The following CPNE8 variants were observed in gnomAD, a reference collection of about 807,000 sequenced individuals.
The protein encoded by CPNE8 is copine-8.
CPNE8 carries 45 observed loss-of-function variants against 81.5 expected under a neutral mutation model. The ratio of observed to expected loss-of-function variants is 0.55; its 90% confidence interval spans 0.44 to 0.71. The LOEUF is 0.71. Among genes scored for constraint, CPNE8 ranks in the 30% least tolerant of loss-of-function variants. The probability of loss-of-function intolerance (pLI) is 0.00; values close to 1 mark genes in which losing one functional copy is unlikely to be tolerated. For synonymous variants in CPNE8, 252 were observed against 226.3 expected (o/e 1.11, Z -1.02); for missense variants, 594 against 672.1 (o/e 0.88, Z 1.28).
intron 8 of CPNE8, among the ~76,000 whole-genome samples, chr12:38,766,874 A>G (rs751075260): frequency 6.6e-6 from 1 of 152,160 alleles, no homozygotes; most frequent in Non-Finnish European, 1.5e-5. Context: ...AACTAATTTA[A>G]TCTGATCAAC....
intron 6 of CPNE8, among the ~76,000 whole-genome samples, chr12:38,793,018 T>C (rs913974294): frequency 6.6e-6 from 1 of 151,812 alleles, no homozygotes; most frequent in Non-Finnish European, 1.5e-5. Context: ...GAAAAAGCAT[T>C]TGACAAAATT....
chr12:38,807,064 C>A (rs71463307), intron 6 of CPNE8, among the ~76,000 whole-genome samples: 169 of 152,172 alleles, frequency 1.1e-3, no homozygotes, highest in African/African-American at 3.8e-3. Flanking sequence ...GGACCTCTTC[C>A]AGGAGAACTA....
At chr12:38,702,528 A>G (rs897084181) in intron 14 of CPNE8, among the ~76,000 whole-genome samples, 8 of 152,158 alleles carry the variant, frequency 5.3e-5, no homozygotes, top group Admixed American at 2.6e-4. Context: ...CTTCAGAATT[A>G]TAGTTATAGA....
chr12:38,860,503 T>C (rs1943814816), intron 3 of CPNE8, among the ~76,000 whole-genome samples: 1 of 151,208 alleles, frequency 6.6e-6, no homozygotes, highest in East Asian at 1.9e-4. Flanking sequence ...CAGTATGAAA[T>C]TTCCAAAAAT....
At chr12:38,659,767 G>A (rs1383982389) in intron 19 of CPNE8, among the ~76,000 whole-genome samples, 1 of 151,996 alleles carries the variant, frequency 6.6e-6, no homozygotes. Context: ...ACAACTATAC[G>A]GAAACTGAAC....
chr12:38,773,361 C>A (rs1054779853), intron 7 of CPNE8, among the ~76,000 whole-genome samples: 1 of 151,930 alleles, frequency 6.6e-6, no homozygotes, highest in Non-Finnish European at 1.5e-5. Context: ...GTAGGGGGAA[C>A]CATTGTAAGT....
Position 38,833,252 on chromosome 12 carries a change from C to T in CPNE8, c.331-3797G>A, listed in dbSNP as rs550019770. 1.9e-3 allele frequency among the ~76,000 whole-genome samples: 285 copies of T among 148,708 alleles called. 13 individuals carry two copies. The South Asian group carries it at 0.059, about 31-fold the overall frequency. ...CCTGTAATCCCAACTACTTGGGAGG[C>T]TAAGGCAGGAGAATCGCTTGATCCC... On this transcript the variant is annotated intron_variant, in intron 5 of 19. Coordinates refer to ENST00000331366, the MANE Select transcript of CPNE8 (RefSeq NM_153634.3).
Position 38,704,826 on chromosome 12 carries a change from G to GTATATATGTGTGTATATATATATATATA in CPNE8, c.915-1906_915-1905insTATATATATATATATACACACATATATA, listed in dbSNP as rs1940051981. On this transcript the variant is annotated intron_variant, in intron 13 of 19. Coordinates refer to ENST00000331366, the MANE Select transcript of CPNE8 (RefSeq NM_153634.3). ...GGACCATCTGTGTGTGTATGTATGT[G>GTATATATGTGTGTATATATATATATATA]TATATATATATATATATATATATAT... is the stretch of plus-strand genomic sequence containing the variant. 1.2e-4 allele frequency among the ~76,000 whole-genome samples: 6 copies of GTATATATGTGTGTATATATATATATATA among 50,196 alleles called. 1 individual carries two copies. The South Asian group carries it at 4.9e-3, about 41-fold the overall frequency. 32.9% of individuals were successfully genotyped at this position (50,196 alleles called of 152,430 possible).
chr12:38,719,489 G>A (rs187464210), intron 13 of CPNE8, among the ~76,000 whole-genome samples: 14 of 150,998 alleles, frequency 9.3e-5, no homozygotes, highest in Non-Finnish European at 1.8e-4. Flanking sequence ...TGTAATCCCA[G>A]CTACTCGGGA....
At chr12:38,760,936 A>C in intron 9 of CPNE8, 48 bp from the exon 10 acceptor site, 1 of 1,310,376 alleles carries the variant, frequency 7.6e-7, no homozygotes, top group Non-Finnish European at 1.1e-6. Flanking sequence ...TAAGATCAAA[A>C]TAATGTATGG....
chr12:38,839,985 AT>A, intron 4 of CPNE8, 30 bp from the exon 5 acceptor site: 1 of 1,551,786 alleles, frequency 6.4e-7, no homozygotes, highest in Non-Finnish European at 8.8e-7. Flanking sequence ...AACTCAAATT[AT>A]TTCCACAAAA....
intron 13 of CPNE8, among the ~76,000 whole-genome samples, chr12:38,718,664 C>A (rs1940471243): frequency 6.6e-6 from 1 of 152,042 alleles, no homozygotes; most frequent in East Asian, 1.9e-4. Flanking sequence ...ATACGTATAT[C>A]ATTAAATCCA....
chr12:38,735,662 T>C (rs936454046), intron 10 of CPNE8, among the ~76,000 whole-genome samples: 8 of 152,004 alleles, frequency 5.3e-5, no homozygotes, highest in Non-Finnish European at 1.0e-4. Flanking sequence ...TCAAGCCTTT[T>C]TTTTCCTTTT....
chr12:38,748,900 A>G (rs1258448518), intron 10 of CPNE8, among the ~76,000 whole-genome samples: 1 of 152,186 alleles, frequency 6.6e-6, no homozygotes, highest in Non-Finnish European at 1.5e-5. Context: ...TGCCAGTTTC[A>G]TTTAAAAAGT....
intron 10 of CPNE8, among the ~76,000 whole-genome samples, chr12:38,743,632 A>G (rs1456512747): frequency 6.6e-6 from 1 of 152,142 alleles, no homozygotes; most frequent in African/African-American, 2.4e-5. Context: ...AATTATGAGT[A>G]TCTAAAACTA....
intron 10 of CPNE8, among the ~76,000 whole-genome samples, chr12:38,735,574 T>C (rs1480375557): frequency 6.6e-6 from 1 of 152,082 alleles, no homozygotes; most frequent in Admixed American, 6.6e-5. Context: ...CTTCTCAGCA[T>C]CTAAGAATGA....
At chr12:38,865,177 A>G (rs370507555) in intron 3 of CPNE8, among the ~76,000 whole-genome samples, 13 of 152,202 alleles carry the variant, frequency 8.5e-5, no homozygotes, top group African/African-American at 2.9e-4. Context: ...AAGCATTGGC[A>G]AAGATGTATG....
chr12:38,768,850 A>C (rs756593289), intron 7 of CPNE8, among the ~76,000 whole-genome samples: 5 of 152,182 alleles, frequency 3.3e-5, no homozygotes, highest in Admixed American at 6.5e-5. Flanking sequence ...AATGTTGGAA[A>C]GAGGTGAAGT....
chr12:38,754,631 T>C (rs534292897), intron 10 of CPNE8, among the ~76,000 whole-genome samples: 63 of 151,694 alleles, frequency 4.2e-4, no homozygotes, highest in African/African-American at 1.5e-3. Context: ...GTATACTAGA[T>C]ACATATATAA....
Sources: gnomAD v4.1 joint callset for allele counts (sites outside exome capture counted in the v4.1 genomes callset) on GRCh38, gnomAD v4.1.1 for gene constraint, MANE v1.5 for transcripts, NCBI Gene and HGNC (gene_info 2026-07-23, HGNC 2026-07-21) for gene names.